The following MPDZ variants were observed in gnomAD, a reference collection of about 807,000 sequenced individuals.
The protein encoded by MPDZ is multiple PDZ domain crumbs cell polarity complex component.
MPDZ carries 234 observed loss-of-function variants against 239.1 expected under a neutral mutation model. The ratio of observed to expected loss-of-function variants is 0.98; its 90% CI spans 0.88 to 1.09. The LOEUF (loss-of-function observed/expected upper bound fraction) is 1.09, where lower values mean the gene tolerates loss of function less well. Ranked by LOEUF, MPDZ falls within the 50% of genes least tolerant of loss-of-function variation. MPDZ has a pLI of 0.00. For missense variants in MPDZ, 3,175 were observed against 2,510.0 expected (o/e 1.26, Z -5.66); for synonymous variants, 1,048 against 881.3 (o/e 1.19, Z -3.35).
intron 41 of MPDZ, among the ~76,000 whole-genome samples, chr9:13,113,308 T>C (rs1942818290): frequency 6.6e-6 from 1 of 152,128 alleles, no homozygotes; most frequent in African/African-American, 2.4e-5. Context: ...TGTAATCCAC[T>C]TTGAATGAGT....
intron 39 of MPDZ, among the ~76,000 whole-genome samples, chr9:13,115,711 C>T (rs542847586): frequency 6.6e-5 from 10 of 151,994 alleles, no homozygotes; most frequent in South Asian, 2.1e-4. Context: ...TTTGGGAGGC[C>T]GAGGCGGGTG....
At chr9:13,271,473 A>C (rs1292372758) in intron 1 of MPDZ, among the ~76,000 whole-genome samples, 1 of 152,172 alleles carries the variant, frequency 6.6e-6, no homozygotes, top group Admixed American at 6.5e-5. Flanking sequence ...ATGTGACAGA[A>C]ATGTCCGTTT....
chr9:13,150,783 C>T, intron 24 of MPDZ, 95 bp from the exon 25 acceptor site: 1 of 776,942 alleles, frequency 1.3e-6, no homozygotes. Context: ...TATATAACAC[C>T]AAAGGCACAG....
At chr9:13,199,037 T>A (rs1587725947) in intron 12 of MPDZ, among the ~76,000 whole-genome samples, 1 of 152,050 alleles carries the variant, frequency 6.6e-6, no homozygotes, top group East Asian at 1.9e-4. Flanking sequence ...CATTCTCTAC[T>A]TCTGTGAAGA....
Position 13,150,656 on chromosome 9 carries a change from A to G in MPDZ, c.3485T>C (p.Leu1162Ser). 6.8e-7 allele frequency: 1 copy of G among 1,460,540 alleles called. No homozygotes were observed. The allele number at this position is 1,460,540 out of a possible 1,614,324, so 90.5% of individuals were successfully genotyped here. ...TCGTCCACCAACAATGCTGATGCCT[A>G]AGGATTTGCTTGGTTCTCTCCAGAG... ...VELWREPSKS[L>S]GISIVGGRGM... The change falls in exon 25 of 47, where the codon TTA becomes TCA. Residue 1162 changes from leucine (L) to serine (S), a missense_variant. Physicochemically the swap from Leu to Ser is moderately radical, Grantham distance 145. Coordinates refer to ENST00000319217, the MANE Select transcript of MPDZ (RefSeq NM_001378778.1).
rs1406924797 is a variant in MPDZ, at chr9:13,106,428, C to T, written c.*537G>A. On this transcript the variant is annotated 3_prime_UTR_variant, in exon 47 of 47. Coordinates refer to ENST00000319217, the MANE Select transcript of MPDZ (RefSeq NM_001378778.1). ...GGGGAGATGCAATGTTTTTATAATA[C>T]TGTTGAAAATTTTAAAATACTGACA... 6.6e-6 allele frequency: 1 copy of T among 151,810 alleles called. No homozygotes were observed. The highest frequency in any genetic ancestry group is 2.4e-5 in the African/African-American group (1 of 41,284). 9.4% of individuals were successfully genotyped at this position (151,810 alleles called of 1,614,324 possible). A position where few individuals can be genotyped will look rare whatever the true frequency, so the allele number is the denominator to read the frequency against.
At chr9:13,154,930 G>GT (rs1362360242) in intron 24 of MPDZ, among the ~76,000 whole-genome samples, 1 of 152,080 alleles carries the variant, frequency 6.6e-6, no homozygotes, top group Non-Finnish European at 1.5e-5. Context: ...ATAAAAATTG[G>GT]TATAGCAGCC....
chr9:13,133,881 A>G lies in MPDZ; in HGVS notation c.4407T>C (p.Ser1469=), dbSNP rs765900265. The change falls in exon 32 of 47, where the codon TCT becomes TCC. Residue 1469 remains serine, a synonymous_variant. Transcript: ENST00000319217. ...ATGAACTGAGGTCCACAGCTGCATC[A>G]GAAGTAGTAACAGTTGGCTCTGTCT... ...NKETEPTVTT[S]DAAVDLSSFK... The G allele has an allele frequency of 3.1e-6, 5 of 1,594,748 alleles. No individual in the cohort carries two copies. The South Asian group carries it at 3.4e-5, about 11-fold the overall frequency.
rs1963985419 is a variant in MPDZ, at chr9:13,236,263, ATATATTTTTTTT to A, written c.183+11360_183+11371del. Among the ~76,000 whole-genome samples the A allele has an allele frequency of 1.4e-4, 2 of 13,820 alleles. 1 individual carries two copies. The highest frequency in any genetic ancestry group is 3.5e-4 in the Non-Finnish European group (2 of 5,642). The allele number at this position is 13,820 out of a possible 152,430, so 9.1% of individuals were successfully genotyped here. ...TGTGTGTGTGTGTATATATATATAT[ATATATTTTTTTT>A]TTTTTTTTTTTTTTTTTTTGAGACA... On this transcript the variant is annotated intron_variant, in intron 3 of 46. Transcript: ENST00000319217.
intron 1 of MPDZ, among the ~76,000 whole-genome samples, chr9:13,263,600 A>C (rs1477796176): frequency 1.3e-5 from 2 of 152,180 alleles, no homozygotes; most frequent in African/African-American, 4.8e-5. Context: ...ATTAAAAACG[A>C]AGCTTTATTC....
chr9:13,277,922 G>T (rs1295961032), intron 1 of MPDZ, among the ~76,000 whole-genome samples: 1 of 152,110 alleles, frequency 6.6e-6, no homozygotes, highest in Non-Finnish European at 1.5e-5. Flanking sequence ...AGGTGCTAAG[G>T]CATACATTAT....
intron 8 of MPDZ, among the ~76,000 whole-genome samples, chr9:13,218,948 A>T (rs374918448): frequency 6.6e-6 from 1 of 151,966 alleles, no homozygotes; most frequent in Non-Finnish European, 1.5e-5. Context: ...GCATATGAAT[A>T]AAGTTTTTGT....
At chr9:13,180,084 A>G (rs954815289) in intron 19 of MPDZ, among the ~76,000 whole-genome samples, 5 of 152,108 alleles carry the variant, frequency 3.3e-5, no homozygotes, top group Admixed American at 3.3e-4. Flanking sequence ...TTTGTCACTA[A>G]GACTCTCACA....
intron 24 of MPDZ, among the ~76,000 whole-genome samples, chr9:13,155,210 C>G (rs929028559): frequency 6.6e-6 from 1 of 152,142 alleles, no homozygotes; most frequent in Non-Finnish European, 1.5e-5. Flanking sequence ...GAGTGAGACT[C>G]TGTCTCAGAA....
At chr9:13,157,966 C>T in intron 24 of MPDZ, 52 bp downstream of exon 24, 2 of 1,496,264 alleles carry the variant, frequency 1.3e-6, no homozygotes, top group East Asian at 2.3e-5. Flanking sequence ...ACCTGCTTAT[C>T]TTTAAACACT....
In MPDZ at chr9:13,108,940, G is replaced by C. The variant is rs1330031744; in HGVS notation, c.6062C>G (p.Ala2021Gly). 1 of 1,610,158 alleles carries C rather than the reference G, an allele frequency of 6.2e-7. No individual in the cohort carries two copies. The highest frequency in any genetic ancestry group is 1.7e-5 in the Admixed American group (1 of 59,736). Reference protein sequence around the residue: ...DLPIYVKTVFAKGAASEDGRL... With the variant: ...DLPIYVKTVFGKGAASEDGRL... ...GGTTAAAATTTGCAAGCTTACCTTT[G>C]CAAACACTGTTTTAACATAAATGGG... The change falls in exon 46 of 47, where the codon GCA (alanine) becomes GGA (glycine). Residue 2021 changes from alanine (A) to glycine (G), a missense_variant. Physicochemically the swap from Ala to Gly is moderately conservative, Grantham distance 60. Coordinates refer to ENST00000319217, the MANE Select transcript of MPDZ (RefSeq NM_001378778.1).
chr9:13,197,869 T>A lies in MPDZ; in HGVS notation c.1547-1639A>T, dbSNP rs185461255. Among the ~76,000 whole-genome samples the A allele has an allele frequency of 6.6e-5, 10 of 152,280 alleles. No homozygotes were observed. The East Asian group carries it at 1.9e-3, about 29-fold the overall frequency. On this transcript the variant is annotated intron_variant, in intron 12 of 46. Transcript: ENST00000319217. ...GGTATGTGTCTTTCTGTGCTTGGTT[T>A]ATTTCACTTAACACAATGTCCTCCA...
intron 26 of MPDZ, among the ~76,000 whole-genome samples, chr9:13,145,565 C>G (rs982676914): frequency 6.6e-6 from 1 of 152,054 alleles, no homozygotes; most frequent in Non-Finnish European, 1.5e-5. Flanking sequence ...TTTTAGATTA[C>G]TGGAGACCTA....
intron 12 of MPDZ, among the ~76,000 whole-genome samples, chr9:13,197,592 T>A (rs62532865): frequency 0.093 from 14,094 of 152,220 alleles, 875 homozygotes; most frequent in South Asian, 0.18. Context: ...TAAACATTTA[T>A]TATATTTTTT....
Sources: gnomAD v4.1 joint callset for allele counts (sites outside exome capture counted in the v4.1 genomes callset) on GRCh38, gnomAD v4.1.1 for gene constraint, MANE v1.5 for transcripts, NCBI Gene and HGNC (gene_info 2026-07-23, HGNC 2026-07-21) for gene names.